Variants in WNK1 observed in about 807,000 individuals in gnomAD.
The protein encoded by WNK1 is WNK lysine deficient protein kinase 1.
A neutral mutation model predicts 222.8 loss-of-function variants in WNK1; 38 were observed. The observed-to-expected ratio is 0.17, with a 90% CI of 0.13 to 0.22. The LOEUF is 0.22. Among genes scored for constraint, WNK1 ranks in the 10% least tolerant of loss-of-function variants. The probability of loss-of-function intolerance (pLI) is 1.00; values close to 1 mark genes in which losing one functional copy is unlikely to be tolerated. For missense variants in WNK1, 2,348 were observed against 2,918.4 expected (o/e 0.80, Z 4.50); for synonymous variants, 1,090 against 1,092.9 (o/e 1.00, Z 0.05).
chr12:796,534 C>T (rs1052776820), intron 1 of WNK1, among the ~76,000 whole-genome samples: 12 of 152,186 alleles, frequency 7.9e-5, no homozygotes, highest in Non-Finnish European at 1.6e-4. Context: ...CCTTGGCCTC[C>T]CAAAGTGCTG....
At chr12:772,337 C>G in intron 1 of WNK1, among the ~76,000 whole-genome samples, 1 of 152,034 alleles carries the variant, frequency 6.6e-6, no homozygotes, top group East Asian at 1.9e-4. Context: ...AGCATTTTCC[C>G]ATTTAAGATC....
chr12:896,262 C>T lies in WNK1; in HGVS notation c.5775C>T (p.Ala1925=). The stretch of plus-strand genomic sequence containing the variant: ...TCTCTTCAGATGTGCCAGAGAGTGC[C>T]CACAAAACTACTGCCTCAGAGGCAA... ...PGISSDVPES[A]HKTTASEAKS... Residue 1925 remains alanine, a synonymous_variant, in exon 24 of 28, where the codon GCC becomes GCT. Transcript: ENST00000315939. 1.2e-6 allele frequency: 2 copies of T among 1,614,132 alleles called. No individual in the cohort carries two copies. Among genetic ancestry groups the T allele is most frequent in the South Asian group, 1.1e-5 (1 of 91,074 alleles).
intron 12 of WNK1, 82 bp from the exon 13 acceptor site, chr12:881,610 G>T: frequency 8.5e-7 from 1 of 1,172,054 alleles, no homozygotes; most frequent in Non-Finnish European, 1.3e-6. Context: ...GGAGGGATAA[G>T]GAAAAAAATA....
At chr12:864,283 T>C (rs1951452648) in intron 8 of WNK1, among the ~76,000 whole-genome samples, 1 of 151,382 alleles carries the variant, frequency 6.6e-6, no homozygotes, top group Non-Finnish European at 1.5e-5. Flanking sequence ...AATTTTTGTA[T>C]TTTTTTTAGT....
At position 865,197 on chromosome 12, in the gene WNK1, C is replaced by T. The variant is rs913535690; in HGVS notation, c.2139+2927C>T. On this transcript the variant is annotated intron_variant, in intron 8 of 27. Coordinates refer to ENST00000315939, the MANE Select transcript of WNK1 (RefSeq NM_018979.4). Reference sequence around the variant, plus strand: ...CGCATCTCTCCCAGTGCTCTTCCACCCCACCGCCAGTACTGTCTGCACCTC... The same window carrying T: ...CGCATCTCTCCCAGTGCTCTTCCACTCCACCGCCAGTACTGTCTGCACCTC... 4 of 1,535,858 alleles carry T rather than the reference C, an allele frequency of 2.6e-6. No homozygotes were observed. The African/African-American group carries it at 5.5e-5, about 21-fold the overall frequency.
chr12:858,003 A>G (rs1040259523), intron 5 of WNK1, among the ~76,000 whole-genome samples: 3 of 152,238 alleles, frequency 2.0e-5, no homozygotes, highest in Non-Finnish European at 4.4e-5. Flanking sequence ...CAACCGAATT[A>G]AAGAATTCCA....
intron 3 of WNK1, among the ~76,000 whole-genome samples, chr12:828,879 CTGAG>C (rs1948579174): frequency 6.6e-6 from 1 of 152,184 alleles, no homozygotes; most frequent in Non-Finnish European, 1.5e-5. Context: ...AACTTGGATA[CTGAG>C]TATTACTAGG....
chr12:884,932 A>G lies in WNK1; in HGVS notation c.4128A>G (p.Thr1376=), dbSNP rs753927760. ...ISTSVIQSEV[T]VPTEEGIAGV... ...CATCAGTAATTCAGTCTGAGGTTAC[A>G]GTGCCCACTGAAGAGGGGATTGCTG... Residue 1376 remains threonine (T), a synonymous_variant, in exon 19 of 28, where the codon ACA becomes ACG. Coordinates refer to ENST00000315939, the MANE Select transcript of WNK1 (RefSeq NM_018979.4). The surrounding 1 kb of genome is among the most constrained non-coding windows in gnomAD (Gnocchi z 5.6). 7 of 1,614,178 alleles carry G rather than the reference A, an allele frequency of 4.3e-6. No individual in the cohort carries two copies. Among genetic ancestry groups the G allele is most frequent in the Non-Finnish European group, 5.9e-6 (7 of 1,180,010 alleles).
At chr12:843,006 G>C (rs1453653991) in intron 4 of WNK1, among the ~76,000 whole-genome samples, 2 of 152,182 alleles carry the variant, frequency 1.3e-5, no homozygotes, top group Non-Finnish European at 2.9e-5. Context: ...CATGATCCCA[G>C]CTCACTGCAA....
At chr12:769,976 CTTT>C (rs991651102) in intron 1 of WNK1, among the ~76,000 whole-genome samples, 3 of 142,480 alleles carry the variant, frequency 2.1e-5, no homozygotes, top group South Asian at 2.2e-4. Flanking sequence ...GCATAAGTTT[CTTT>C]TTTTTTTTTT....
chr12:759,546 G>A (rs759124751), intron 1 of WNK1, among the ~76,000 whole-genome samples: 9 of 147,432 alleles, frequency 6.1e-5, no homozygotes, highest in African/African-American at 1.2e-4. Context: ...GGCCAGGCTG[G>A]TCTTGAACAC....
At chr12:773,446 T>C (rs2153953972) in intron 1 of WNK1, among the ~76,000 whole-genome samples, 1 of 152,298 alleles carries the variant, frequency 6.6e-6, no homozygotes, top group South Asian at 2.1e-4. Context: ...AAATTCTTAA[T>C]GCATTTAAAA....
intron 9 of WNK1, 135 bp downstream of exon 9, chr12:871,483 A>G (rs1952142764): frequency 2.5e-6 from 2 of 796,248 alleles, no homozygotes; most frequent in Non-Finnish European, 4.1e-6. Flanking sequence ...TCTTGTGTTC[A>G]GTAACAAAGA....
chr12:908,861 G>GGC lies in WNK1; in HGVS notation c.*69_*70insGC. 1 of 491,846 alleles carries GGC rather than the reference G, an allele frequency of 2.0e-6. No individual in the cohort carries two copies. The highest frequency in any genetic ancestry group is 2.2e-5 in the Admixed American group (1 of 46,428). 30.5% of individuals were successfully genotyped at this position (491,846 alleles called of 1,614,324 possible). On this transcript the variant is annotated 3_prime_UTR_variant, in exon 28 of 28. Transcript: ENST00000315939. ...ATGCTGAGGGGGTGGGTGGGGGTGG[G>GGC]AAGTAGCCTATATACTAACTACTAG...
At position 884,850 on chromosome 12, in the gene WNK1, C is replaced by T. The variant is rs1953510652; in HGVS notation, c.4046C>T (p.Thr1349Ile). The T allele has an allele frequency of 6.2e-7, 1 of 1,614,142 alleles. No individual in the cohort carries two copies. Among genetic ancestry groups the T allele is most frequent in the Admixed American group, 1.7e-5 (1 of 60,026 alleles). ...FLSSIAGVPTTAAATAPVPAT... is the reference protein window; with the variant it reads ...FLSSIAGVPTIAAATAPVPAT... ...AGTAGCATTGCTGGAGTCCCAACCACAGCAGCAGCCACAGCACCAGTCCCT... is the reference window on the plus strand; with the variant it reads ...AGTAGCATTGCTGGAGTCCCAACCATAGCAGCAGCCACAGCACCAGTCCCT... The change falls in exon 19 of 28, where the codon ACA becomes ATA. Residue 1349 changes from threonine (T) to isoleucine (I), a missense_variant. Thr to Ile is a moderately conservative substitution (Grantham distance 89). This residue lies in a region of WNK1 where 1,144 missense variants were observed against 1,273.6 expected (regional missense o/e 0.90). Coordinates refer to ENST00000315939, the MANE Select transcript of WNK1 (RefSeq NM_018979.4). The surrounding 1 kb of genome is among the most constrained non-coding windows in gnomAD (Gnocchi z 5.6).
chr12:900,406 A>G, intron 25 of WNK1, 70 bp from the exon 26 acceptor site: 1 of 1,559,224 alleles, frequency 6.4e-7, no homozygotes, highest in African/African-American at 1.4e-5. Context: ...CCAAATGTAT[A>G]AGAACAGTGC....
At chr12:875,848 G>A (rs1049304483) in intron 9 of WNK1, among the ~76,000 whole-genome samples, 1 of 152,170 alleles carries the variant, frequency 6.6e-6, no homozygotes, top group African/African-American at 2.4e-5. Context: ...TATTTAATAT[G>A]CAATCTTATT....
chr12:899,858 T>TA (rs61365891), intron 25 of WNK1, among the ~76,000 whole-genome samples: 58,565 of 148,520 alleles, frequency 0.39, 11,658 homozygotes, highest in East Asian at 0.53. Flanking sequence ...TCTAATAGGG[T>TA]AAAAAAAAAA....
intron 1 of WNK1, among the ~76,000 whole-genome samples, chr12:767,234 G>GTTTTTTTTTT (rs71051382): frequency 2.8e-4 from 20 of 70,884 alleles, no homozygotes; most frequent in African/African-American, 8.2e-4. Flanking sequence ...GGGTTGATAG[G>GTTTTTTTTTT]TTTTTTTTTT....
Sources: allele counts gnomAD v4.1 joint callset (sites outside exome capture counted in the v4.1 genomes callset), GRCh38; gene constraint gnomAD v4.1.1; regional missense constraint gnomAD v4.1.1; non-coding constraint Gnocchi (gnomAD v3.1); transcripts MANE v1.5; gene names NCBI Gene and HGNC (gene_info 2026-07-23, HGNC 2026-07-21).